The following DIP2C variants were observed in gnomAD, a reference collection of about 807,000 sequenced individuals.
The protein encoded by DIP2C is disco-interacting protein 2 homolog C.
Under a neutral mutation model 192.4 loss-of-function variants are expected in DIP2C, and 33 were observed. The ratio of observed to expected loss-of-function variants is 0.17; its 90% confidence interval spans 0.13 to 0.23. The LOEUF is 0.23. Among genes scored for constraint, DIP2C ranks in the 10% least tolerant of loss-of-function variants. The pLI, the probability that DIP2C is intolerant of heterozygous loss-of-function variation, is 1.00. For missense variants in DIP2C, 1,537 were observed against 2,110.1 expected (o/e 0.73, Z 5.32); for synonymous variants, 979 against 864.1 (o/e 1.13, Z -2.33).
chr10:467,836 G>C (rs1970345017), intron 3 of DIP2C, among the ~76,000 whole-genome samples: 1 of 152,148 alleles, frequency 6.6e-6, no homozygotes, highest in South Asian at 2.1e-4. Context: ...ATAGCATTAG[G>C]AGAAATACCT....
At chr10:446,524 C>T (rs1020757809) in intron 3 of DIP2C, among the ~76,000 whole-genome samples, 7 of 152,210 alleles carry the variant, frequency 4.6e-5, no homozygotes, top group South Asian at 2.1e-4. Context: ...CCTGTGTCTT[C>T]GGTAAATCAA....
intron 32 of DIP2C, among the ~76,000 whole-genome samples, chr10:293,835 A>G (rs945331936): frequency 6.6e-6 from 1 of 152,232 alleles, no homozygotes; most frequent in Admixed American, 6.5e-5. Context: ...CCAGGACTCA[A>G]GCCCTAACAA....
In DIP2C at chr10:379,306, C is replaced by T. The variant is rs753115352; in HGVS notation, c.1991+3341G>A. On this transcript the variant is annotated intron_variant, in intron 17 of 36. Transcript: ENST00000280886. The stretch of plus-strand genomic sequence containing the variant: ...GGCTGCTGCTGCTCCCGGAAGTGCC[C>T]GTGCATCCTGCGTATTTATCAAGCG... Among the ~76,000 whole-genome samples the T allele has an allele frequency of 2.4e-4, 37 of 151,818 alleles. 1 individual carries two copies. Among genetic ancestry groups the T allele is most frequent in the Non-Finnish European group, 3.7e-4 (25 of 67,946 alleles).
chr10:469,943 AAC>A (rs1255720315), intron 3 of DIP2C, among the ~76,000 whole-genome samples: 1 of 152,202 alleles, frequency 6.6e-6, no homozygotes, highest in Non-Finnish European at 1.5e-5. Context: ...GAATGAACAG[AAC>A]AGAGATCCTG....
In DIP2C at chr10:417,974, TCGGATAGGCC is replaced by T. The variant is rs1564686352; in HGVS notation, c.739+1081_739+1090del. On this transcript the variant is annotated intron_variant, in intron 6 of 36. Transcript: ENST00000280886. ...CCTGTCCACCTGCACCTGTCAGGGC[TCGGATAGGCC>T]TCCCTGTCCACCTGCACCTGTCAGG... Among the ~76,000 whole-genome samples the T allele has an allele frequency of 4.1e-4, 37 of 89,952 alleles. 5 individuals carry two copies. Among genetic ancestry groups the T allele is most frequent in the Middle Eastern group, 6.3e-3 (1 of 160 alleles). 59.0% of individuals were successfully genotyped at this position (89,952 alleles called of 152,430 possible).
intron 29 of DIP2C, among the ~76,000 whole-genome samples, chr10:330,277 T>C (rs1957443728): frequency 6.6e-6 from 1 of 152,044 alleles, no homozygotes; most frequent in African/African-American, 2.4e-5. Context: ...ACAGAAGAAA[T>C]AGAGAAAAAT....
At chr10:465,749 C>G (rs961695159) in intron 3 of DIP2C, among the ~76,000 whole-genome samples, 31 of 151,534 alleles carry the variant, frequency 2.0e-4, no homozygotes, top group Non-Finnish European at 4.0e-4. Context: ...CAACAGCAGA[C>G]AAACAGAGAG....
intron 28 of DIP2C, among the ~76,000 whole-genome samples, chr10:342,352 G>T (rs1324377026): frequency 6.6e-6 from 1 of 152,118 alleles, no homozygotes; most frequent in Non-Finnish European, 1.5e-5. Flanking sequence ...TAGAGACAGG[G>T]TTTCCCCATG....
At chr10:343,552 T>C (rs1958265797) in intron 28 of DIP2C, among the ~76,000 whole-genome samples, 1 of 152,248 alleles carries the variant, frequency 6.6e-6, no homozygotes, top group Non-Finnish European at 1.5e-5. Flanking sequence ...CGTAGAATTA[T>C]TATAAAATGT....
intron 1 of DIP2C, among the ~76,000 whole-genome samples, chr10:494,430 C>T (rs2133604120): frequency 6.6e-6 from 1 of 152,306 alleles, no homozygotes; most frequent in Middle Eastern, 3.4e-3. Context: ...TAGAAGCACA[C>T]ACTCCCTCAC....
rs542957971 is a variant in DIP2C, at chr10:532,832, GCAC to G, written c.86-46305_86-46303del. Among the ~76,000 whole-genome samples, 634 of 152,050 alleles carry G rather than the reference GCAC, an allele frequency of 4.2e-3. 4 individuals carry two copies. The highest frequency in any genetic ancestry group is 0.01 in the Middle Eastern group (3 of 294). Reference sequence around the variant, plus strand: ...CCTTGTTCTGTCGCTCAGGCACAGTGCACCACAAGTACAGAGGTGCTATCACGG... The same window carrying G: ...CCTTGTTCTGTCGCTCAGGCACAGTGCACAAGTACAGAGGTGCTATCACGG... On this transcript the variant is annotated intron_variant, in intron 1 of 36. Transcript: ENST00000280886.
chr10:612,785 C>A (rs527484200), intron 1 of DIP2C, among the ~76,000 whole-genome samples: 1 of 152,212 alleles, frequency 6.6e-6, no homozygotes, highest in Admixed American at 6.5e-5. Flanking sequence ...AACAGAGTCT[C>A]AAGAAATGAG....
At chr10:375,195 C>A (rs148718815) in intron 17 of DIP2C, among the ~76,000 whole-genome samples, 1 of 152,222 alleles carries the variant, frequency 6.6e-6, no homozygotes, top group African/African-American at 2.4e-5. Flanking sequence ...GGCCTGTTCT[C>A]GCAGTAACAC....
chr10:435,094 C>G (rs1302667147), intron 4 of DIP2C, among the ~76,000 whole-genome samples: 2 of 152,198 alleles, frequency 1.3e-5, no homozygotes, highest in Non-Finnish European at 2.9e-5. Context: ...CCTCATTCTT[C>G]TCCTTGTATT....
At chr10:550,359 G>T (rs1483503440) in intron 1 of DIP2C, among the ~76,000 whole-genome samples, 2 of 152,148 alleles carry the variant, frequency 1.3e-5, no homozygotes, top group African/African-American at 4.8e-5. Context: ...AGAAGTATCA[G>T]TTTCTCATTT....
intron 3 of DIP2C, among the ~76,000 whole-genome samples, chr10:447,917 C>T (rs1487852921): frequency 3.6e-5 from 4 of 109,878 alleles, no homozygotes; most frequent in African/African-American, 5.1e-5. Flanking sequence ...ACCCACTCAT[C>T]CCTGTCTATA....
chr10:639,203 CA>C (rs1855009473), intron 1 of DIP2C, among the ~76,000 whole-genome samples: 97 of 82,016 alleles, frequency 1.2e-3, no homozygotes, highest in Admixed American at 1.9e-3. Context: ...GTCAGGCCAT[CA>C]GGGTGCTGCC....
At chr10:621,081 A>G (rs377586754) in intron 1 of DIP2C, among the ~76,000 whole-genome samples, 1 of 152,224 alleles carries the variant, frequency 6.6e-6, no homozygotes, top group Admixed American at 6.5e-5. Context: ...ACCTCAAGAC[A>G]CTTGAGTGCA....
chr10:379,595 CTGATT>C (rs1962135606), intron 17 of DIP2C, among the ~76,000 whole-genome samples: 1 of 152,194 alleles, frequency 6.6e-6, no homozygotes, highest in Non-Finnish European at 1.5e-5. Flanking sequence ...GCCTCAGCTT[CTGATT>C]TATCTACTTT....
Sources: allele counts gnomAD v4.1 joint callset (sites outside exome capture counted in the v4.1 genomes callset), GRCh38; gene constraint gnomAD v4.1.1; transcripts MANE v1.5; gene names NCBI Gene and HGNC (gene_info 2026-07-23, HGNC 2026-07-21).